The following RAPGEF4 variants were observed in gnomAD, a reference collection of about 807,000 sequenced individuals.
RAPGEF4 encodes the protein RAP guanine-nucleotide-exchange factor (GEF) 4.
Under a neutral mutation model 147.9 loss-of-function variants are expected in RAPGEF4, and 66 were observed. The observed-to-expected ratio is 0.45, with a 90% confidence interval of 0.37 to 0.55. RAPGEF4 has a LOEUF of 0.55. Ranked by LOEUF, RAPGEF4 falls within the 20% of genes least tolerant of loss-of-function variation. RAPGEF4 has a pLI of 0.00. For synonymous variants in RAPGEF4, 419 were observed against 442.7 expected (o/e 0.95, Z 0.67); for missense variants, 1,071 against 1,257.3 (o/e 0.85, Z 2.24).
At chr2:173,021,653 G>A (rs554322533) in intron 23 of RAPGEF4, among the ~76,000 whole-genome samples, 18 of 152,282 alleles carry the variant, frequency 1.2e-4, no homozygotes, top group Non-Finnish European at 2.1e-4. Flanking sequence ...CCAATTTTAG[G>A]GAGAGAGTTT....
At position 172,735,951 on chromosome 2, in the gene RAPGEF4, C is replaced by A. The variant is rs1168677167; in HGVS notation, c.-33C>A. Reference sequence around the variant, plus strand: ...AGGCAGAGCGAGCGCGGGAGGTCGCCGCAGCCAGGGACACCGCGCGCCGCC... The same window carrying A: ...AGGCAGAGCGAGCGCGGGAGGTCGCAGCAGCCAGGGACACCGCGCGCCGCC... On this transcript the variant is annotated 5_prime_UTR_variant, in exon 1 of 31. Transcript: ENST00000397081. The A allele has an allele frequency of 7.0e-7, 1 of 1,437,344 alleles. No individual in the cohort carries two copies. Among genetic ancestry groups the A allele is most frequent in the Non-Finnish European group, 9.2e-7 (1 of 1,091,674 alleles). The allele number at this position is 1,437,344 out of a possible 1,614,324, so 89.0% of individuals were successfully genotyped here.
intron 4 of RAPGEF4, among the ~76,000 whole-genome samples, chr2:172,890,511 G>C (rs774660885): frequency 4.4e-4 from 67 of 152,192 alleles, no homozygotes; most frequent in Non-Finnish European, 8.2e-4. Context: ...AAATAAACCA[G>C]TGAAGGGGGC....
At chr2:172,993,860 C>T (rs968473187) in intron 15 of RAPGEF4, among the ~76,000 whole-genome samples, 8 of 152,106 alleles carry the variant, frequency 5.3e-5, no homozygotes, top group East Asian at 1.9e-4. Flanking sequence ...AACTGTACCA[C>T]GAGAGGAAGT....
At chr2:172,828,833 GC>G (rs1689976019) in intron 4 of RAPGEF4, among the ~76,000 whole-genome samples, 2 of 152,292 alleles carry the variant, frequency 1.3e-5, no homozygotes, top group South Asian at 4.2e-4. Flanking sequence ...AATCATGGCA[GC>G]CCGTTCACAC....
intron 4 of RAPGEF4, among the ~76,000 whole-genome samples, chr2:172,841,791 AACAC>A (rs3064818): frequency 5.5e-4 from 81 of 147,084 alleles, no homozygotes; most frequent in African/African-American, 1.0e-3. Flanking sequence ...TTGGCTGAAT[AACAC>A]ACACACACAC....
intron 30 of RAPGEF4, among the ~76,000 whole-genome samples, chr2:173,050,016 G>A (rs937060441): frequency 2.0e-5 from 3 of 152,148 alleles, no homozygotes; most frequent in African/African-American, 7.2e-5. Flanking sequence ...TTTCAGTGAG[G>A]CTCAAGAACC....
At chr2:172,907,866 G>A (rs1257297752) in intron 4 of RAPGEF4, among the ~76,000 whole-genome samples, 1 of 152,156 alleles carries the variant, frequency 6.6e-6, no homozygotes, top group East Asian at 1.9e-4. Flanking sequence ...CTAAGTGCCT[G>A]ATATGTGCAG....
At chr2:172,839,558 C>T (rs1177602429) in intron 4 of RAPGEF4, among the ~76,000 whole-genome samples, 2 of 151,974 alleles carry the variant, frequency 1.3e-5, no homozygotes, top group Non-Finnish European at 2.9e-5. Context: ...GGGTTTTGGC[C>T]AGCTCCTTAA....
At chr2:172,907,617 A>C (rs1346547996) in intron 4 of RAPGEF4, among the ~76,000 whole-genome samples, 4 of 152,190 alleles carry the variant, frequency 2.6e-5, no homozygotes, top group African/African-American at 9.7e-5. Flanking sequence ...TCTATTATTT[A>C]AATTCTTATT....
At chr2:172,967,486 C>T (rs377479768) in intron 10 of RAPGEF4, 42 bp downstream of exon 10, 17 of 1,580,272 alleles carry the variant, frequency 1.1e-5, no homozygotes, top group African/African-American at 2.7e-5. Flanking sequence ...GTCCCAAGGC[C>T]GCCTAGTGCA....
rs760230274 is a variant in RAPGEF4, at chr2:173,026,600, C to G, written c.2282C>G (p.Thr761Ser). The G allele has an allele frequency of 6.8e-6, 11 of 1,613,736 alleles. No individual in the cohort carries two copies. Among genetic ancestry groups the G allele is most frequent in the Non-Finnish European group, 9.3e-6 (11 of 1,179,764 alleles). The part of the protein sequence containing the change: ...LTPLPEQEGP[T>S]VGTVGTFELM... ...CCCTTACCAGAACAGGAAGGCCCAA[C>G]TGTTGGAACAGTGGGAACTTTTGAA... Residue 761 changes from threonine (T) to serine (S), a missense_variant, in exon 24 of 31, where the codon ACT becomes AGT. Physicochemically the swap from Thr to Ser is moderately conservative, Grantham distance 58 (BLOSUM62 1). Transcript: ENST00000397081.
At chr2:172,897,398 A>T (rs1183694033) in intron 4 of RAPGEF4, among the ~76,000 whole-genome samples, 1 of 151,340 alleles carries the variant, frequency 6.6e-6, no homozygotes, top group African/African-American at 2.4e-5. Flanking sequence ...TTTTTTAAAA[A>T]TATATATATA....
intron 25 of RAPGEF4, 130 bp downstream of exon 25, chr2:173,027,389 G>T: frequency 1.5e-6 from 1 of 653,292 alleles, no homozygotes; most frequent in South Asian, 2.7e-5. Flanking sequence ...AGGGTCTTAG[G>T]AATAACCAAA....
chr2:172,788,587 T>C (rs1005184670), intron 1 of RAPGEF4, among the ~76,000 whole-genome samples: 6 of 152,120 alleles, frequency 3.9e-5, no homozygotes, highest in Non-Finnish European at 8.8e-5. Context: ...TATTAAAGGC[T>C]GAAATCAAGG....
chr2:172,803,240 T>A (rs1365780454), intron 3 of RAPGEF4, among the ~76,000 whole-genome samples: 1 of 152,176 alleles, frequency 6.6e-6, no homozygotes. Flanking sequence ...ACGTTCTCCA[T>A]GAAAGCCCTG....
intron 1 of RAPGEF4, among the ~76,000 whole-genome samples, chr2:172,794,347 C>CA (rs59850502): frequency 0.56 from 57,359 of 101,612 alleles, 13,921 homozygotes; most frequent in East Asian, 0.69. Context: ...AACTCCATCT[C>CA]AAAAAAAAAA....
At chr2:172,768,778 C>A (rs1697087325) in intron 1 of RAPGEF4, among the ~76,000 whole-genome samples, 1 of 152,148 alleles carries the variant, frequency 6.6e-6, no homozygotes, top group African/African-American at 2.4e-5. Context: ...CGACATTGGC[C>A]AAGATGGAAA....
Position 172,743,756 on chromosome 2 carries a change from C to A in RAPGEF4, c.65+7708C>A, listed in dbSNP as rs138993684. Reference sequence around the variant, plus strand: ...TTACCCGTGTATTTGATTTCCCCTTCCTCTCTTCTTTCTGCCTGGAGTTAC... The same window carrying A: ...TTACCCGTGTATTTGATTTCCCCTTACTCTCTTCTTTCTGCCTGGAGTTAC... On this transcript the variant is annotated intron_variant, in intron 1 of 30. Coordinates refer to ENST00000397081, the MANE Select transcript of RAPGEF4 (RefSeq NM_007023.4). Among the ~76,000 whole-genome samples the A allele has an allele frequency of 3.3e-5, 5 of 152,218 alleles. No individual in the cohort carries two copies. The East Asian group carries it at 7.7e-4, about 24-fold the overall frequency.
At position 172,995,814 on chromosome 2, in the gene RAPGEF4, AC is replaced by A. The variant is rs775703482; in HGVS notation, c.1491-647del. Among the ~76,000 whole-genome samples, 17 of 152,178 alleles carry A rather than the reference AC, an allele frequency of 1.1e-4. No homozygotes were observed. The East Asian group carries it at 2.7e-3, about 24-fold the overall frequency. On this transcript the variant is annotated intron_variant, in intron 15 of 30. Transcript: ENST00000397081. ...ATCTTCTGAAATAATGTCTAATATAACCCCCAGTAATTTATATCTGGCATTG... is the reference window on the plus strand; with the variant it reads ...ATCTTCTGAAATAATGTCTAATATAACCCCAGTAATTTATATCTGGCATTG...
Sources: allele counts gnomAD v4.1 joint callset (sites outside exome capture counted in the v4.1 genomes callset), GRCh38; gene constraint gnomAD v4.1.1; transcripts MANE v1.5; gene names NCBI Gene and HGNC (gene_info 2026-07-23, HGNC 2026-07-21).